Variants in HOATZ observed in about 807,000 individuals in gnomAD.
HOATZ encodes HOATZ cilia and flagella associated protein.
A neutral mutation model predicts 24.9 loss-of-function variants in HOATZ; 26 were observed. The ratio of observed to expected loss-of-function variants is 1.04; its 90% CI spans 0.76 to 1.45. The LOEUF (loss-of-function observed/expected upper bound fraction) is 1.45. Among genes scored for constraint, HOATZ ranks in the 40% most tolerant of loss-of-function variants. The pLI is 0.00. For synonymous variants in HOATZ, 83 were observed against 76.6 expected, an observed-to-expected ratio of 1.08 and a Z score of -0.43; for missense variants, 226 against 201.5, an observed-to-expected ratio of 1.12 and a Z score of -0.74.
intron 3 of HOATZ, chr11:111,526,544 T>C (rs1406753514): frequency 6.6e-6 from 1 of 151,938 alleles, no homozygotes; most frequent in Non-Finnish European, 1.5e-5. Context: ...TTCTGGCCGC[T>C]TGCCTAACAG....
intron 3 of HOATZ, among the ~76,000 whole-genome samples, chr11:111,521,482 T>G (rs1336239589): frequency 6.6e-6 from 1 of 152,210 alleles, no homozygotes. Context: ...GGGATTGGCT[T>G]CCGAGACAAA....
chr11:111,536,136 G>T (rs1213507057), intron 5 of HOATZ: 3 of 152,208 alleles, frequency 2.0e-5, no homozygotes, highest in Non-Finnish European at 4.4e-5. Flanking sequence ...CCAGCATACT[G>T]CTTACATGTT....
chr11:111,524,032 T>G (rs1429811012), intron 3 of HOATZ, among the ~76,000 whole-genome samples: 1 of 152,152 alleles, frequency 6.6e-6, no homozygotes, highest in Non-Finnish European at 1.5e-5. Context: ...TCACAGAGCC[T>G]TACAAATAGG....
At position 111,518,969 on chromosome 11, in the gene HOATZ, T is replaced by G. The variant is rs184695635; in HGVS notation, c.339+2859T>G. 5 of 455,856 alleles carry G rather than the reference T, an allele frequency of 1.1e-5. No individual in the cohort carries two copies. The East Asian group carries it at 2.8e-4, about 25-fold the overall frequency. 28.2% of individuals were successfully genotyped at this position (455,856 alleles called of 1,614,324 possible). A position where few individuals can be genotyped will look rare whatever the true frequency, so the allele number is the denominator to read the frequency against. On this transcript the variant is annotated intron_variant, in intron 3 of 5. Transcript: ENST00000375618. ...TAGTATTTGTACAGTCTCTGATGTG[T>G]ATTGTAGGTAATTGTGTATGTTTCT...
intron 3 of HOATZ, among the ~76,000 whole-genome samples, chr11:111,518,051 A>G (rs578079927): frequency 2.0e-5 from 3 of 152,212 alleles, no homozygotes; most frequent in Non-Finnish European, 4.4e-5. Flanking sequence ...CATGCAGGCC[A>G]AGGAACACTA....
Position 111,536,927 on chromosome 11 carries a change from T to C in HOATZ, c.*100T>C, listed in dbSNP as rs1373481901. ...ATTGAGATCACTGGCAACATTATAGTAGACAAAGAAATACAAGTTAAATAC... is the reference window on the plus strand; with the variant it reads ...ATTGAGATCACTGGCAACATTATAGCAGACAAAGAAATACAAGTTAAATAC... On this transcript the variant is annotated 3_prime_UTR_variant, in exon 6 of 6. Transcript: ENST00000375618. The C allele has an allele frequency of 8.9e-6, 8 of 896,484 alleles. No homozygotes were observed. In the East Asian group the frequency reaches 2.0e-4, roughly 22 times the overall value. The allele number at this position is 896,484 out of a possible 1,614,324, so 55.5% of individuals were successfully genotyped here.
rs766689432 is a variant in HOATZ, at chr11:111,516,064, C to T, written c.293C>T (p.Ala98Val). Residue 98 changes from alanine (A) to valine (V), a missense_variant, in exon 3 of 6, where the codon GCC becomes GTC. Transcript: ENST00000375618. Reference protein sequence around the residue: ...SNKNRDIFAEALKIQESEEKV... With the variant: ...SNKNRDIFAEVLKIQESEEKV... Reference sequence around the variant, plus strand: ...GAAAATAGAGACATCTTTGCCGAAGCCCTAAAGATACAGGAATCTGAGGAG... The same window carrying T: ...GAAAATAGAGACATCTTTGCCGAAGTCCTAAAGATACAGGAATCTGAGGAG... 5 of 1,597,782 alleles carry T rather than the reference C, an allele frequency of 3.1e-6. No homozygotes were observed. The South Asian group carries it at 3.4e-5, about 11-fold the overall frequency.
chr11:111,519,021 A>G (rs1204928909), intron 3 of HOATZ: 4 of 456,152 alleles, frequency 8.8e-6, no homozygotes, highest in South Asian at 1.6e-5. Context: ...TACAGGCACC[A>G]TAGTGTAGTA....
chr11:111,525,615 G>C (rs1287247235), intron 3 of HOATZ, among the ~76,000 whole-genome samples: 1 of 152,144 alleles, frequency 6.6e-6, no homozygotes, highest in African/African-American at 2.4e-5. Context: ...CACTGAAAAG[G>C]CAATGTCAAG....
At chr11:111,533,570 G>A (rs1867416689) in intron 3 of HOATZ, among the ~76,000 whole-genome samples, 176 bp from the exon 4 acceptor site, 1 of 151,886 alleles carries the variant, frequency 6.6e-6, no homozygotes, top group South Asian at 2.1e-4. Flanking sequence ...TTGTAAAGCA[G>A]CATTATCTTG....
At chr11:111,524,793 A>T in intron 3 of HOATZ, 1 of 395,838 alleles carries the variant, frequency 2.5e-6, no homozygotes, top group Non-Finnish European at 4.9e-6. Context: ...ATCAATTTAC[A>T]AACAGTTGAT....
At chr11:111,518,396 GATAAC>G (rs1231723729) in intron 3 of HOATZ, among the ~76,000 whole-genome samples, 1 of 152,150 alleles carries the variant, frequency 6.6e-6, no homozygotes, top group Admixed American at 6.5e-5. Flanking sequence ...GATATAGTGA[GATAAC>G]ATAATTTAGT....
At chr11:111,524,047 C>T (rs1426187586) in intron 3 of HOATZ, among the ~76,000 whole-genome samples, 3 of 152,180 alleles carry the variant, frequency 2.0e-5, no homozygotes, top group African/African-American at 7.2e-5. Flanking sequence ...AATAGGTGAT[C>T]TCCTGACATA....
At chr11:111,522,033 A>G (rs1022732738) in intron 3 of HOATZ, among the ~76,000 whole-genome samples, 5 of 152,210 alleles carry the variant, frequency 3.3e-5, no homozygotes, top group African/African-American at 1.2e-4. Flanking sequence ...CATTTGTCCC[A>G]TATAGACCCA....
intron 3 of HOATZ, among the ~76,000 whole-genome samples, chr11:111,524,443 G>A (rs573842483): frequency 1.6e-4 from 25 of 152,202 alleles, no homozygotes; most frequent in Non-Finnish European, 1.2e-4. Flanking sequence ...TTGGAATGTA[G>A]GGTCAGGAGT....
In HOATZ at chr11:111,514,976, G is replaced by A; in HGVS notation, c.192G>A (p.Leu64=). 1 of 1,613,564 alleles carries A rather than the reference G, an allele frequency of 6.2e-7. No individual in the cohort carries two copies. Among genetic ancestry groups the A allele is most frequent in the Non-Finnish European group, 8.5e-7 (1 of 1,180,024 alleles). Residue 64 remains leucine, a synonymous_variant, in exon 1 of 6, where the codon CTG becomes CTA. Transcript: ENST00000375618. ...LVLRRDSSQR[L]PVARPRRSRG... The stretch of plus-strand genomic sequence containing the variant: ...TGCGCAGAGACAGCAGTCAGCGTCT[G>A]CCGGTGGCGCGGCCCAGGAGGAGCA...
At chr11:111,535,100 A>G (rs1003253205) in intron 5 of HOATZ, 3 of 152,226 alleles carry the variant, frequency 2.0e-5, no homozygotes, top group African/African-American at 4.8e-5. Flanking sequence ...TTATTTTCAT[A>G]CCACATTCTG....
intron 3 of HOATZ, among the ~76,000 whole-genome samples, chr11:111,528,015 T>C (rs547831672): frequency 2.6e-4 from 39 of 152,304 alleles, no homozygotes; most frequent in Middle Eastern, 3.4e-3. Flanking sequence ...TCTCAATCAC[T>C]GGGATAGAAT....
chr11:111,516,802 T>G (rs183394638), intron 3 of HOATZ, among the ~76,000 whole-genome samples: 1 of 152,358 alleles, frequency 6.6e-6, no homozygotes, highest in East Asian at 1.9e-4. Context: ...AATGAGTCTG[T>G]CATCTAGACC....
Sources: gnomAD v4.1 joint callset for allele counts (sites outside exome capture counted in the v4.1 genomes callset) on GRCh38, gnomAD v4.1.1 for gene constraint, MANE v1.5 for transcripts, NCBI Gene and HGNC (gene_info 2026-07-23, HGNC 2026-07-21) for gene names.